The following TMPRSS15 variants were observed in gnomAD, a reference collection of about 807,000 sequenced individuals.
The protein encoded by TMPRSS15 is transmembrane serine protease 15.
TMPRSS15 carries 128 observed loss-of-function variants against 125.3 expected under a neutral mutation model. The ratio of observed to expected loss-of-function variants is 1.02; its 90% CI spans 0.89 to 1.18. The LOEUF (loss-of-function observed/expected upper bound fraction) is 1.18. TMPRSS15 is among the 50% of genes most tolerant of loss of function. The probability of loss-of-function intolerance (pLI) is 0.00; values close to 1 mark genes in which losing one functional copy is unlikely to be tolerated. For synonymous variants in TMPRSS15, 446 were observed against 423.2 expected, an observed-to-expected ratio of 1.05 and a Z score of -0.66; for missense variants, 1,283 against 1,212.7, an observed-to-expected ratio of 1.06 and a Z score of -0.86.
At chr21:18,318,971 A>T (rs1274120145) in intron 16 of TMPRSS15, among the ~76,000 whole-genome samples, 3 of 152,236 alleles carry the variant, frequency 2.0e-5, no homozygotes, top group Non-Finnish European at 4.4e-5. Flanking sequence ...CCTCAAAATA[A>T]GTATGAAGCT....
chr21:18,429,594 TTCA>T (rs2076212022), intron 1 of TMPRSS15, among the ~76,000 whole-genome samples: 2 of 152,222 alleles, frequency 1.3e-5, no homozygotes, highest in African/African-American at 4.8e-5. Context: ...CTTTTGTGTC[TTCA>T]TCATTTTCTC....
chr21:18,277,012 C>T (rs988314893), intron 23 of TMPRSS15, among the ~76,000 whole-genome samples: 3 of 152,062 alleles, frequency 2.0e-5, no homozygotes, highest in South Asian at 2.1e-4. Flanking sequence ...GTGATCTGCC[C>T]GGCTCAGCCT....
chr21:18,361,371 G>T (rs2075678599), intron 7 of TMPRSS15, among the ~76,000 whole-genome samples: 1 of 152,054 alleles, frequency 6.6e-6, no homozygotes, highest in South Asian at 2.1e-4. Flanking sequence ...AAGGCTCCTT[G>T]GGCATGAGTT....
intron 1 of TMPRSS15, among the ~76,000 whole-genome samples, chr21:18,452,052 C>G (rs963695896): frequency 1.3e-5 from 2 of 152,038 alleles, no homozygotes; most frequent in South Asian, 4.2e-4. Flanking sequence ...ATAGCTACAT[C>G]CGAATTTTTT....
intron 24 of TMPRSS15, among the ~76,000 whole-genome samples, chr21:18,271,804 C>T (rs376246097): frequency 5.2e-4 from 79 of 151,886 alleles, no homozygotes; most frequent in African/African-American, 1.9e-3. Flanking sequence ...GTTCAACTCC[C>T]ACTCATGAGT....
At chr21:18,339,497 G>T (rs2075426160) in intron 13 of TMPRSS15, among the ~76,000 whole-genome samples, 1 of 152,214 alleles carries the variant, frequency 6.6e-6, no homozygotes, top group Admixed American at 6.5e-5. Flanking sequence ...ATTTGGATAG[G>T]CTCTCCAAAC....
intron 18 of TMPRSS15, among the ~76,000 whole-genome samples, chr21:18,311,094 T>G (rs1010465832): frequency 1.3e-5 from 2 of 152,026 alleles, no homozygotes; most frequent in African/African-American, 2.4e-5. Context: ...CAAAATGGAT[T>G]AAAGAGTTAA....
At chr21:18,455,764 G>A (rs897665402) in intron 1 of TMPRSS15, among the ~76,000 whole-genome samples, 7 of 152,232 alleles carry the variant, frequency 4.6e-5, no homozygotes, top group Admixed American at 2.6e-4. Flanking sequence ...GGGGAAATAT[G>A]TGTAATAATT....
At position 18,280,553 on chromosome 21, in the gene TMPRSS15, G is replaced by T. The variant is rs571010662; in HGVS notation, c.2668+487C>A. On this transcript the variant is annotated intron_variant, in intron 22 of 24. Transcript: ENST00000284885. ...ACTGTGCCACTGCACTCCAGCCTGG[G>T]CAACAGAGCGAGACTCCGTCTCAAA... is the stretch of plus-strand genomic sequence containing the variant. Among the ~76,000 whole-genome samples, 6 of 130,398 alleles carry T rather than the reference G, an allele frequency of 4.6e-5. No individual in the cohort carries two copies. In the East Asian group the frequency reaches 8.5e-4, roughly 19 times the overall value. 85.5% of individuals were successfully genotyped at this position (130,398 alleles called of 152,430 possible).
upstream of TMPRSS15, among the ~76,000 whole-genome samples, chr21:18,408,467 C>CT (rs1601452334): frequency 1.3e-5 from 2 of 152,080 alleles, no homozygotes; most frequent in South Asian, 2.1e-4. Context: ...TCAGAGACTT[C>CT]TTTTTTCTCC....
chr21:18,342,397 A>G (rs948004190), intron 12 of TMPRSS15, among the ~76,000 whole-genome samples: 2 of 152,220 alleles, frequency 1.3e-5, no homozygotes, highest in African/African-American at 2.4e-5. Flanking sequence ...TTCCTTACAC[A>G]TATGACCTAA....
intron 1 of TMPRSS15, among the ~76,000 whole-genome samples, chr21:18,418,642 C>G (rs2076185551): frequency 6.6e-6 from 1 of 152,146 alleles, no homozygotes; most frequent in African/African-American, 2.4e-5. Context: ...TATTCTTTTG[C>G]TCTATAATCT....
intron 1 of TMPRSS15, among the ~76,000 whole-genome samples, chr21:18,439,052 A>G (rs997932372): frequency 1.1e-4 from 17 of 152,176 alleles, no homozygotes; most frequent in African/African-American, 4.1e-4. Context: ...ATCAACTCTA[A>G]AAGTCAATTC....
intron 1 of TMPRSS15, among the ~76,000 whole-genome samples, chr21:18,421,984 C>CTTT (rs569146471): frequency 0.075 from 10,122 of 135,024 alleles, 889 homozygotes; most frequent in African/African-American, 0.21. Flanking sequence ...AAGTATTACT[C>CTTT]TTTTTTTTTT....
chr21:18,269,514 A>C lies in TMPRSS15; in HGVS notation c.*455T>G, dbSNP rs955959408. On this transcript the variant is annotated 3_prime_UTR_variant, in exon 25 of 25. Transcript: ENST00000284885. ...ACAGAGAAACAATTGAGTTTCTGCT[A>C]ATAGCAGCAAACTAAACTGGAACTA... 6.3e-6 allele frequency: 1 copy of C among 159,754 alleles called. No individual in the cohort carries two copies. The highest frequency in any genetic ancestry group is 2.4e-5 in the African/African-American group (1 of 41,496). The allele number at this position is 159,754 out of a possible 1,614,324, so 9.9% of individuals were successfully genotyped here. A position where few individuals can be genotyped will look rare whatever the true frequency, so the allele number is the denominator to read the frequency against.
At chr21:18,471,283 T>C (rs1978775325) in intron 1 of TMPRSS15, among the ~76,000 whole-genome samples, 1 of 152,152 alleles carries the variant, frequency 6.6e-6, no homozygotes, top group African/African-American at 2.4e-5. Context: ...CTATCAATAG[T>C]ATGTATATAT....
At chr21:18,320,525 G>A (rs2075222929) in intron 16 of TMPRSS15, among the ~76,000 whole-genome samples, 1 of 152,078 alleles carries the variant, frequency 6.6e-6, no homozygotes, top group Non-Finnish European at 1.5e-5. Context: ...ACAAATATCT[G>A]AATTAAAATT....
At chr21:18,399,795 T>TA (rs1261778393) in intron 1 of TMPRSS15, among the ~76,000 whole-genome samples, 6 of 152,054 alleles carry the variant, frequency 3.9e-5, no homozygotes, top group Admixed American at 3.9e-4. Context: ...AAAAAAAGTA[T>TA]AAAAAATGTT....
At chr21:18,408,327 G>T (rs1202156530), upstream of TMPRSS15, among the ~76,000 whole-genome samples, 1 of 152,116 alleles carries the variant, frequency 6.6e-6, no homozygotes, top group East Asian at 1.9e-4. Flanking sequence ...AACCCAAACA[G>T]CTTTCACCTT....
Sources: gnomAD v4.1 joint callset for allele counts (sites outside exome capture counted in the v4.1 genomes callset) on GRCh38, gnomAD v4.1.1 for gene constraint, MANE v1.5 for transcripts, NCBI Gene and HGNC (gene_info 2026-07-23, HGNC 2026-07-21) for gene names.